WDPCP: variants seen among roughly 807,000 people sequenced by gnomAD.
WDPCP encodes the protein WD repeat containing planar cell polarity effector.
In WDPCP, 71 loss-of-function variants were observed where a neutral mutation model predicts 93.1. The ratio of observed to expected loss-of-function variants is 0.76; its 90% confidence interval spans 0.63 to 0.93. WDPCP has a LOEUF of 0.93. Among genes scored for constraint, WDPCP ranks in the 40% least tolerant of loss-of-function variants. WDPCP has a pLI of 0.00. For synonymous variants in WDPCP, 315 were observed against 315.0 expected, an observed-to-expected ratio of 1.00 and a Z score of 0.00; for missense variants, 844 against 887.4, an observed-to-expected ratio of 0.95 and a Z score of 0.62.
At chr2:63,338,566 AAAAATATATATATATATAT>A (rs1688602590) in intron 12 of WDPCP, among the ~76,000 whole-genome samples, 7 of 9,928 alleles carry the variant, frequency 7.1e-4, no homozygotes, top group African/African-American at 2.2e-3. Context: ...AAAAAAAAAA[AAAAATATATATATATATAT>A]ATATATATAT....
At chr2:63,521,312 C>T (rs577969047) in intron 1 of WDPCP, among the ~76,000 whole-genome samples, 22 of 152,246 alleles carry the variant, frequency 1.4e-4, no homozygotes, top group Non-Finnish European at 2.5e-4. Flanking sequence ...TCAAGAAACT[C>T]GTCTCACATG....
At chr2:63,286,391 C>G in intron 13 of WDPCP, among the ~76,000 whole-genome samples, 1 of 152,172 alleles carries the variant, frequency 6.6e-6, no homozygotes, top group Non-Finnish European at 1.5e-5. Context: ...TCTCCCCCAC[C>G]CTTAAGAAGG....
intron 6 of WDPCP, among the ~76,000 whole-genome samples, chr2:63,469,069 A>G (rs1699533326): frequency 6.6e-6 from 1 of 152,140 alleles, no homozygotes; most frequent in Admixed American, 6.6e-5. Context: ...AAAAAGACAT[A>G]CATGCAGCCG....
At chr2:63,216,467 A>G (rs569204512) in intron 14 of WDPCP, among the ~76,000 whole-genome samples, 1 of 150,980 alleles carries the variant, frequency 6.6e-6, no homozygotes, top group African/African-American at 2.5e-5. Context: ...ATAGAAAACC[A>G]AACACCGCAT....
chr2:63,781,650 G>C (rs371249194), intron 2 of WDPCP, among the ~76,000 whole-genome samples: 1 of 152,188 alleles, frequency 6.6e-6, no homozygotes, highest in African/African-American at 2.4e-5. Flanking sequence ...GAAACAATCT[G>C]TGGGATATGT....
chr2:63,134,868 AC>A (rs1386264177), intron 17 of WDPCP, among the ~76,000 whole-genome samples: 1 of 152,118 alleles, frequency 6.6e-6, no homozygotes, highest in Non-Finnish European at 1.5e-5. Flanking sequence ...CACACCTGTA[AC>A]CCCAGCACTT....
At chr2:63,224,073 G>A (rs1271041126) in intron 14 of WDPCP, among the ~76,000 whole-genome samples, 2 of 151,854 alleles carry the variant, frequency 1.3e-5, no homozygotes, top group Non-Finnish European at 2.9e-5. Flanking sequence ...CAAAAATACT[G>A]TTATAGGCCT....
At chr2:63,552,292 CCA>C (rs1419414192) in intron 1 of WDPCP, among the ~76,000 whole-genome samples, 1 of 150,882 alleles carries the variant, frequency 6.6e-6, no homozygotes, top group African/African-American at 2.4e-5. Context: ...GTTGTTTATT[CCA>C]GTTATTCCCA....
chr2:63,598,991 C>T (rs1390646648), intron 3 of WDPCP, among the ~76,000 whole-genome samples: 3 of 151,218 alleles, frequency 2.0e-5, no homozygotes, highest in Non-Finnish European at 4.4e-5. Context: ...TTTTTTATTA[C>T]CATTTTATAA....
intron 13 of WDPCP, among the ~76,000 whole-genome samples, chr2:63,276,502 C>A (rs906153065): frequency 6.6e-6 from 1 of 152,160 alleles, no homozygotes; most frequent in Admixed American, 6.5e-5. Context: ...AAAGAAAAAT[C>A]TTCACTGAAA....
In WDPCP at chr2:63,588,109, C is replaced by A. The variant is rs146596037; in HGVS notation, c.75+88G>T. On this transcript the variant is annotated intron_variant, in intron 1 of 17. Transcript: ENST00000272321. The stretch of plus-strand genomic sequence containing the variant: ...GGCGAGCTTGCAGGCATCCGCACAG[C>A]GGATAAAAGCAAAGCGGGACGGCGC... 696 of 1,467,572 alleles carry A rather than the reference C, an allele frequency of 4.7e-4. 7 individuals are homozygous for A. The East Asian group carries it at 0.016, about 34-fold the overall frequency. 90.9% of individuals were successfully genotyped at this position (1,467,572 alleles called of 1,614,324 possible).
At chr2:63,185,560 C>T (rs755214704) in intron 14 of WDPCP, among the ~76,000 whole-genome samples, 4 of 152,046 alleles carry the variant, frequency 2.6e-5, no homozygotes, top group Admixed American at 2.0e-4. Flanking sequence ...TTTGTAGTAG[C>T]GGTATACCAG....
chr2:63,824,947 T>C (rs900505146), intron 1 of WDPCP, among the ~76,000 whole-genome samples: 2 of 152,162 alleles, frequency 1.3e-5, no homozygotes, highest in African/African-American at 2.4e-5. Context: ...CATTTTCACA[T>C]AATAAAAACG....
chr2:63,251,137 G>A (rs971712110), intron 14 of WDPCP, among the ~76,000 whole-genome samples: 3 of 152,048 alleles, frequency 2.0e-5, no homozygotes, highest in Non-Finnish European at 4.4e-5. Context: ...AGAACTAAAT[G>A]AACTTGAGAT....
intron 6 of WDPCP, among the ~76,000 whole-genome samples, chr2:63,451,248 G>A (rs1698226382): frequency 6.6e-6 from 1 of 151,836 alleles, no homozygotes; most frequent in Admixed American, 6.6e-5. Flanking sequence ...CCAAGCAGAA[G>A]AGACAATCTC....
intron 9 of WDPCP, among the ~76,000 whole-genome samples, chr2:63,413,969 A>G (rs545085803): frequency 4.8e-5 from 7 of 147,040 alleles, no homozygotes; most frequent in African/African-American, 1.7e-4. Context: ...CAACGACCTC[A>G]AACAAATCAA....
chr2:63,837,272 G>A, the WDPCP span, among the ~76,000 whole-genome samples: 10 of 152,118 alleles, frequency 6.6e-5, no homozygotes, highest in African/African-American at 2.4e-4. Flanking sequence ...TTCCAGTTAA[G>A]CCCGTTTGGT....
chr2:63,525,617 G>T (rs1016834260), intron 1 of WDPCP, among the ~76,000 whole-genome samples: 2 of 152,082 alleles, frequency 1.3e-5, no homozygotes, highest in African/African-American at 4.8e-5. Context: ...AGTGTCTGAT[G>T]ATCCTGGGCT....
At chr2:63,202,031 GTCCT>G (rs1466738529) in intron 14 of WDPCP, among the ~76,000 whole-genome samples, 29 of 149,374 alleles carry the variant, frequency 1.9e-4, no homozygotes, top group Admixed American at 1.8e-3. Flanking sequence ...TTTTAATTCA[GTCCT>G]TCCTTCTGCC....
Sources: gnomAD v4.1 joint callset for allele counts (sites outside exome capture counted in the v4.1 genomes callset) on GRCh38, gnomAD v4.1.1 for gene constraint, MANE v1.5 for transcripts, NCBI Gene and HGNC (gene_info 2026-07-23, HGNC 2026-07-21) for gene names.